The following MOB1B variants were observed in gnomAD, a reference collection of about 807,000 sequenced individuals.
MOB1B encodes the protein MOB1 Mps One Binder homolog B.
In MOB1B, 19 loss-of-function variants were observed where a neutral mutation model predicts 24.4. The observed-to-expected ratio is 0.78, with a 90% CI of 0.54 to 1.14. The LOEUF (loss-of-function observed/expected upper bound fraction) is 1.14. Ranked by LOEUF, MOB1B falls within the 50% of genes most tolerant of loss-of-function variation. The pLI is 0.00. For missense variants in MOB1B, 243 were observed against 259.6 expected (o/e 0.94, Z 0.44); for synonymous variants, 76 against 82.1 (o/e 0.93, Z 0.40).
chr4:70,979,237 T>G lies in MOB1B; in HGVS notation c.519T>G (p.Leu173=), dbSNP rs1249824623. The G allele has an allele frequency of 1.9e-6, 3 of 1,614,008 alleles. No individual in the cohort carries two copies. The highest frequency in any genetic ancestry group is 2.2e-5 in the South Asian group (2 of 91,080). ...AGCATTTTGACCCTGTGATCCAGCTTCAGGAGGAAGCACATCTAAATACAT... is the reference window on the plus strand; with the variant it reads ...AGCATTTTGACCCTGTGATCCAGCTGCAGGAGGAAGCACATCTAAATACAT... ...YHQHFDPVIQ[L]QEEAHLNTSF... The change falls in exon 5 of 6, where the codon CTT becomes CTG. Residue 173 remains leucine, a synonymous_variant. Coordinates refer to ENST00000309395, the MANE Select transcript of MOB1B (RefSeq NM_173468.4).
chr4:70,930,497 A>G (rs1736845642), intron 1 of MOB1B, among the ~76,000 whole-genome samples: 2 of 152,204 alleles, frequency 1.3e-5, no homozygotes, highest in African/African-American at 4.8e-5. Flanking sequence ...TCCAATTGCT[A>G]GTGCATGTGA....
intron 1 of MOB1B, among the ~76,000 whole-genome samples, chr4:70,920,622 T>C (rs550575685): frequency 2.9e-4 from 44 of 152,332 alleles, no homozygotes; most frequent in Admixed American, 5.9e-4. Flanking sequence ...AGAAGCCAGA[T>C]ATAGACTGGT....
chr4:70,909,402 G>C (rs1735888756), intron 1 of MOB1B, among the ~76,000 whole-genome samples: 1 of 152,078 alleles, frequency 6.6e-6, no homozygotes, highest in Non-Finnish European at 1.5e-5. Context: ...CAGCACGTTG[G>C]GAGGCTGAGG....
At chr4:70,939,667 C>T (rs1560644794) in intron 1 of MOB1B, among the ~76,000 whole-genome samples, 2 of 152,250 alleles carry the variant, frequency 1.3e-5, no homozygotes, top group South Asian at 2.1e-4. Context: ...GGGTGTGGCT[C>T]GCTTCTTTGG....
Position 70,983,931 on chromosome 4 carries a change from T to C in MOB1B, c.*1874T>C, listed in dbSNP as rs1377596145. 1.3e-5 allele frequency: 2 copies of C among 152,574 alleles called. No individual in the cohort carries two copies. The highest frequency in any genetic ancestry group is 2.1e-4 in the South Asian group (1 of 4,832). The allele number at this position is 152,574 out of a possible 1,614,324, so 9.5% of individuals were successfully genotyped here. On this transcript the variant is annotated 3_prime_UTR_variant, in exon 6 of 6. Coordinates refer to ENST00000309395, the MANE Select transcript of MOB1B (RefSeq NM_173468.4). ...TATTCAGATAGATAATATGAATCATTATGGGTTGATTCAGAAATAAAATTT... is the reference window on the plus strand; with the variant it reads ...TATTCAGATAGATAATATGAATCATCATGGGTTGATTCAGAAATAAAATTT...
At chr4:70,917,926 A>AT (rs963251749) in intron 1 of MOB1B, among the ~76,000 whole-genome samples, 6 of 150,798 alleles carry the variant, frequency 4.0e-5, no homozygotes, top group South Asian at 2.1e-4. Flanking sequence ...TTGATATTTA[A>AT]TTTTTTTTGG....
intron 3 of MOB1B, among the ~76,000 whole-genome samples, chr4:70,974,432 A>G (rs909573224): frequency 6.6e-6 from 1 of 152,070 alleles, no homozygotes; most frequent in Non-Finnish European, 1.5e-5. Flanking sequence ...CTGTTTTTAC[A>G]TCTTCACTCT....
chr4:70,958,303 T>G (rs550001958), intron 1 of MOB1B, among the ~76,000 whole-genome samples: 2 of 152,084 alleles, frequency 1.3e-5, no homozygotes, highest in African/African-American at 4.8e-5. Context: ...TGGCTGGGAT[T>G]ACAAGGACCC....
rs1398055414 is a variant in MOB1B at position 70,911,573 on chromosome 4, CT to C, written c.14+9031del. 2.0e-5 allele frequency among the ~76,000 whole-genome samples: 3 copies of C among 151,728 alleles called. No individual in the cohort carries two copies. The East Asian group carries it at 5.8e-4, about 29-fold the overall frequency. On this transcript the variant is annotated intron_variant, in intron 1 of 5. Coordinates refer to ENST00000309395, the MANE Select transcript of MOB1B (RefSeq NM_173468.4). ...TTACTTTTATCATGTTTAGAGATAGCTTTTTTTTCCTTTACATACTAGAGTG... is the reference window on the plus strand; with the variant it reads ...TTACTTTTATCATGTTTAGAGATAGCTTTTTTTCCTTTACATACTAGAGTG...
rs988887533 is a variant in MOB1B at position 70,986,538 on chromosome 4, G to A, written c.*4481G>A. The A allele has an allele frequency of 6.6e-6, 1 of 151,808 alleles. No homozygotes were observed. The highest frequency in any genetic ancestry group is 1.5e-5 in the Non-Finnish European group (1 of 67,942). 9.4% of individuals were successfully genotyped at this position (151,808 alleles called of 1,614,324 possible). A position where few individuals can be genotyped will look rare whatever the true frequency, so the allele number is the denominator to read the frequency against. On this transcript the variant is annotated 3_prime_UTR_variant, in exon 6 of 6. Coordinates refer to ENST00000309395, the MANE Select transcript of MOB1B (RefSeq NM_173468.4). ...ACTTACCTTATTTTGAAATTTATCT[G>A]GGATATTAAAGAATCTACCAATTCT...
rs139701003 is a variant in MOB1B at position 70,958,918 on chromosome 4, C to T, written c.59C>T (p.Pro20Leu). The change falls in exon 2 of 6, where the codon CCA (proline) becomes CTA (leucine). Residue 20 changes from proline (P) to leucine (L), a missense_variant. Pro to Leu is a moderately conservative substitution (Grantham distance 98, BLOSUM62 -3). Transcript: ENST00000309395. ...ACTTTTAAACCAAAGAAGAACATTCCAGAGGGTTCTCACCAGTATGAGCTC... is the reference window on the plus strand; with the variant it reads ...ACTTTTAAACCAAAGAAGAACATTCTAGAGGGTTCTCACCAGTATGAGCTC... ...SKTFKPKKNI[P>L]EGSHQYELLK... 1.1e-4 allele frequency: 171 copies of T among 1,613,908 alleles called. No homozygotes were observed. In the African/African-American group the frequency reaches 2.1e-3, roughly 19 times the overall value.
chr4:70,971,684 C>G (rs779820727), intron 3 of MOB1B, among the ~76,000 whole-genome samples: 14 of 152,036 alleles, frequency 9.2e-5, no homozygotes, highest in Non-Finnish European at 1.5e-4. Context: ...CTGGTGTTCA[C>G]TTTGGTTAAG....
At chr4:70,979,034 C>G in intron 4 of MOB1B, 94 bp from the exon 5 acceptor site, 1 of 993,636 alleles carries the variant, frequency 1.0e-6, no homozygotes, top group East Asian at 2.4e-5. Flanking sequence ...TCTTTTCAGC[C>G]TTGTCTTGGT....
intron 1 of MOB1B, among the ~76,000 whole-genome samples, chr4:70,939,027 A>G (rs1463724353): frequency 1.3e-5 from 2 of 152,114 alleles, no homozygotes; most frequent in African/African-American, 2.4e-5. Context: ...TCTTGCAAAA[A>G]TGAGAGCTGC....
intron 1 of MOB1B, among the ~76,000 whole-genome samples, chr4:70,949,775 T>A (rs2148889270): frequency 6.6e-6 from 1 of 152,170 alleles, no homozygotes; most frequent in South Asian, 2.1e-4. Flanking sequence ...CGTGAACCTG[T>A]GGTCCCAACT....
chr4:70,942,934 T>C (rs148440089), intron 1 of MOB1B: 48 of 505,356 alleles, frequency 9.5e-5, no homozygotes, highest in Middle Eastern at 9.5e-4. Flanking sequence ...TGTGGCAGTA[T>C]TTCCCTTTAA....
intron 1 of MOB1B, among the ~76,000 whole-genome samples, chr4:70,952,420 G>A (rs1484418684): frequency 6.6e-6 from 1 of 151,732 alleles, no homozygotes; most frequent in East Asian, 1.9e-4. Flanking sequence ...GAGGTGGGCG[G>A]ATCACGAGGT....
At chr4:70,903,233 A>G (rs1004786084) in intron 1 of MOB1B, among the ~76,000 whole-genome samples, 1 of 152,216 alleles carries the variant, frequency 6.6e-6, no homozygotes, top group Non-Finnish European at 1.5e-5. Flanking sequence ...CTTTTTAGAC[A>G]ACCAGCAAAT....
intron 1 of MOB1B, among the ~76,000 whole-genome samples, chr4:70,915,266 G>A (rs537940573): frequency 2.0e-5 from 3 of 152,296 alleles, no homozygotes; most frequent in South Asian, 2.1e-4. Context: ...TAGTGTCATC[G>A]GTGGAGGGTG....
Sources: allele counts gnomAD v4.1 joint callset (sites outside exome capture counted in the v4.1 genomes callset), GRCh38; gene constraint gnomAD v4.1.1; transcripts MANE v1.5; gene names NCBI Gene and HGNC (gene_info 2026-07-23, HGNC 2026-07-21).